The following FAM193A variants were observed in gnomAD, a reference collection of about 807,000 sequenced individuals.
The protein encoded by FAM193A is family with sequence similarity 193 member A, also known as protein FAM193A.
FAM193A carries 22 observed loss-of-function variants against 126.5 expected under a neutral mutation model. That is an observed-to-expected ratio of 0.17 (90% CI 0.12 to 0.25). FAM193A has a LOEUF of 0.25. Among genes scored for constraint, FAM193A ranks in the 10% least tolerant of loss-of-function variants. FAM193A has a pLI of 1.00. For synonymous variants in FAM193A, 761 were observed against 646.8 expected, an observed-to-expected ratio of 1.18 and a Z score of -2.68; for missense variants, 1,675 against 1,672.8, an observed-to-expected ratio of 1.00 and a Z score of -0.02.
At chr4:2,694,114 C>T (rs573096367) in intron 16 of FAM193A, among the ~76,000 whole-genome samples, 3 of 152,168 alleles carry the variant, frequency 2.0e-5, no homozygotes, top group Admixed American at 6.5e-5. Flanking sequence ...GGGCCAACTA[C>T]GCCTAAACAC....
chr4:2,636,741 T>G (rs568227928), intron 5 of FAM193A, among the ~76,000 whole-genome samples: 3 of 152,196 alleles, frequency 2.0e-5, no homozygotes, highest in African/African-American at 7.2e-5. Flanking sequence ...TAAAGTTTTC[T>G]TTTTTGCTTG....
Position 2,660,042 on chromosome 4 carries a change from C to T in FAM193A, c.1733C>T (p.Ser578Leu), listed in dbSNP as rs550227977. The change falls in exon 10 of 21, where the codon TCG (serine) becomes TTG (leucine). Residue 578 changes from serine (S) to leucine (L), a missense_variant. This residue lies in a region of FAM193A where 1,186 missense variants were observed against 1,109.2 expected (regional missense o/e 1.07). Transcript: ENST00000637812. ...HPRLILTDSG[S>L]APTFCSDDED... ...AGGCTCATCCTCACAGACAGTGGCT[C>T]GGCACCAACTTTGTAAGTTGTGACT... 16 of 1,613,676 alleles carry T rather than the reference C, an allele frequency of 9.9e-6. No individual in the cohort carries two copies. The highest frequency in any genetic ancestry group is 3.3e-5 in the South Asian group (3 of 91,058).
At chr4:2,637,627 T>G (rs955258861) in intron 5 of FAM193A, among the ~76,000 whole-genome samples, 2 of 152,252 alleles carry the variant, frequency 1.3e-5, no homozygotes, top group African/African-American at 4.8e-5. Context: ...CAAGCCTTTC[T>G]GCCTCTAGCT....
chr4:2,672,217 G>A lies in FAM193A; in HGVS notation c.2176G>A (p.Gly726Ser). 6.2e-7 allele frequency: 1 copy of A among 1,614,152 alleles called. No homozygotes were observed. Among genetic ancestry groups the A allele is most frequent in the Non-Finnish European group, 8.5e-7 (1 of 1,180,016 alleles). ...SAMTAGALPPGHQFLSPEKPT... is the reference protein window; with the variant it reads ...SAMTAGALPPSHQFLSPEKPT... ...AATGACAGCCGGAGCCCTTCCTCCT[G>A]GCCATCAGTTCTTGAGCCCAGAGAA... The change falls in exon 13 of 21, where the codon GGC becomes AGC. Residue 726 changes from glycine to serine, a missense_variant. Coordinates refer to ENST00000637812, the MANE Select transcript of FAM193A (RefSeq NM_001366318.2).
rs558100208 is a variant in FAM193A, at chr4:2,728,936, A to G, written c.4455-2839A>G. Among the ~76,000 whole-genome samples the G allele has an allele frequency of 2.1e-5, 3 of 140,620 alleles. No homozygotes were observed. In the East Asian group the frequency reaches 6.0e-4, roughly 28 times the overall value. 92.3% of individuals were successfully genotyped at this position (140,620 alleles called of 152,430 possible). ...TTTTTTTTTTTTGGTGGGAGCACAAAGTCTGGTTCTGTCCGTCCAGGCCGT... is the reference window on the plus strand; with the variant it reads ...TTTTTTTTTTTTGGTGGGAGCACAAGGTCTGGTTCTGTCCGTCCAGGCCGT... On this transcript the variant is annotated intron_variant, in intron 20 of 20. Coordinates refer to ENST00000637812, the MANE Select transcript of FAM193A (RefSeq NM_001366318.2).
intron 1 of FAM193A, among the ~76,000 whole-genome samples, chr4:2,539,241 CTAT>C (rs1048326703): frequency 6.6e-5 from 10 of 152,066 alleles, no homozygotes; most frequent in African/African-American, 2.4e-4. Flanking sequence ...AACTGTATGC[CTAT>C]TATTATTAAG....
At chr4:2,564,474 T>C (rs893891476) in intron 1 of FAM193A, among the ~76,000 whole-genome samples, 4 of 152,108 alleles carry the variant, frequency 2.6e-5, no homozygotes, top group African/African-American at 9.7e-5. Context: ...AGCATTCAGC[T>C]GTGGAGGTGG....
chr4:2,697,919 C>T (rs1373473596), intron 18 of FAM193A, among the ~76,000 whole-genome samples: 1 of 152,226 alleles, frequency 6.6e-6, no homozygotes, highest in Non-Finnish European at 1.5e-5. Flanking sequence ...GGACGCCTTC[C>T]TGAGTTTTCA....
At chr4:2,696,781 T>C (rs1717089466) in intron 18 of FAM193A, among the ~76,000 whole-genome samples, 188 bp downstream of exon 18, 1 of 152,192 alleles carries the variant, frequency 6.6e-6, no homozygotes, top group Non-Finnish European at 1.5e-5. Flanking sequence ...GGTAAAAAAC[T>C]TAACTTTGTG....
intron 20 of FAM193A, among the ~76,000 whole-genome samples, chr4:2,716,639 G>A (rs1273742258): frequency 3.3e-5 from 5 of 152,126 alleles, no homozygotes; most frequent in African/African-American, 1.2e-4. Flanking sequence ...GTTCTATAAT[G>A]TTTTAACTAC....
At chr4:2,646,640 A>C (rs1426780134) in intron 6 of FAM193A, 45 bp from the exon 7 acceptor site, 1 of 1,546,546 alleles carries the variant, frequency 6.5e-7, no homozygotes, top group Non-Finnish European at 8.7e-7. Flanking sequence ...TCTGCTTCAG[A>C]GCCTTTGGGT....
rs186411590 is a variant in FAM193A at position 2,650,863 on chromosome 4, C to T, written c.1311+4031C>T. On this transcript the variant is annotated intron_variant, in intron 7 of 20. Coordinates refer to ENST00000637812, the MANE Select transcript of FAM193A (RefSeq NM_001366318.2). Reference sequence around the variant, plus strand: ...CCACGGTACACTCTAATGGCAGCAACGGTATTTGCCTTTGGCCCAGAGAAC... The same window carrying T: ...CCACGGTACACTCTAATGGCAGCAATGGTATTTGCCTTTGGCCCAGAGAAC... Among the ~76,000 whole-genome samples the T allele has an allele frequency of 1.3e-3, 199 of 152,290 alleles. 1 individual carries two copies. The highest frequency in any genetic ancestry group is 1.7e-3 in the Non-Finnish European group (115 of 68,034).
chr4:2,628,398 T>C (rs1743192661), intron 4 of FAM193A, among the ~76,000 whole-genome samples: 1 of 152,118 alleles, frequency 6.6e-6, no homozygotes, highest in Non-Finnish European at 1.5e-5. Flanking sequence ...ACACCTGTAA[T>C]CCCAGCACTT....
intron 1 of FAM193A, among the ~76,000 whole-genome samples, chr4:2,590,078 T>C (rs1740435532): frequency 1.4e-5 from 2 of 147,664 alleles, no homozygotes; most frequent in Admixed American, 1.4e-4. Context: ...GAGGTTGCAA[T>C]GAGCTGAGAT....
rs540973747 is a variant in FAM193A, at chr4:2,590,547, A to G, written c.256-5537A>G. On this transcript the variant is annotated intron_variant, in intron 1 of 20. Coordinates refer to ENST00000637812, the MANE Select transcript of FAM193A (RefSeq NM_001366318.2). ...CAAAATTAAAAAACAGAAAATTGTG[A>G]TTGAGGTAGGCAAGACAAAGTGTGT... Among the ~76,000 whole-genome samples, 101 of 150,192 alleles carry G rather than the reference A, an allele frequency of 6.7e-4. 2 individuals carry two copies. The highest frequency in any genetic ancestry group is 1.2e-3 in the Admixed American group (18 of 15,156).
intron 6 of FAM193A, among the ~76,000 whole-genome samples, chr4:2,642,449 G>A (rs1235542795): frequency 1.3e-5 from 2 of 152,144 alleles, no homozygotes; most frequent in East Asian, 3.9e-4. Context: ...TATCAAGATT[G>A]GAAAGTCCTT....
chr4:2,687,509 G>T (rs900381574), intron 13 of FAM193A, among the ~76,000 whole-genome samples: 1 of 152,198 alleles, frequency 6.6e-6, no homozygotes, highest in African/African-American at 2.4e-5. Context: ...CAAAGGCCAA[G>T]ACGTGGGACT....
At chr4:2,708,749 C>T (rs561839193) in intron 19 of FAM193A, among the ~76,000 whole-genome samples, 1 of 152,294 alleles carries the variant, frequency 6.6e-6, no homozygotes, top group East Asian at 1.9e-4. Flanking sequence ...CAGGTGTGAG[C>T]CCCCTCGCCC....
Position 2,639,874 on chromosome 4 carries a change from C to A in FAM193A, c.1163+15C>A, listed in dbSNP as rs758943724. 2.5e-6 allele frequency: 4 copies of A among 1,611,710 alleles called. No homozygotes were observed. The highest frequency in any genetic ancestry group is 1.6e-4 in the Middle Eastern group (1 of 6,068). On this transcript the variant is annotated intron_variant, in intron 6 of 20. Coordinates refer to ENST00000637812, the MANE Select transcript of FAM193A (RefSeq NM_001366318.2). ...TCACAGATCAGGTATTTTGCCTTAA[C>A]CCGTATGTGTCTTTGTGGTGTGACA...
Sources: gnomAD v4.1 joint callset for allele counts (sites outside exome capture counted in the v4.1 genomes callset) on GRCh38, gnomAD v4.1.1 for gene constraint, gnomAD v4.1.1 regional missense constraint, MANE v1.5 for transcripts, NCBI Gene and HGNC (gene_info 2026-07-23, HGNC 2026-07-21) for gene names.